The following USP42 variants were observed in gnomAD, a reference collection of about 807,000 sequenced individuals.
USP42 encodes ubiquitin carboxyl-terminal hydrolase 42.
USP42 carries 23 observed loss-of-function variants against 113.0 expected under a neutral mutation model. That is an observed-to-expected ratio of 0.20 (90% CI 0.15 to 0.29). The LOEUF is 0.29. USP42 is among the 10% of genes least tolerant of loss of function. The pLI, the probability that USP42 is intolerant of heterozygous loss-of-function variation, is 1.00. For missense variants in USP42, 2,174 were observed against 1,779.8 expected (o/e 1.22, Z -3.99); for synonymous variants, 933 against 699.0 (o/e 1.33, Z -5.28).
At chr7:6,120,140 A>AT (rs1780138552) in intron 3 of USP42, among the ~76,000 whole-genome samples, 1 of 151,910 alleles carries the variant, frequency 6.6e-6, no homozygotes, top group Non-Finnish European at 1.5e-5. Context: ...ATTTTTTTGT[A>AT]TTTTTAGTAG....
At position 6,140,151 on chromosome 7, in the gene USP42, C is replaced by A; in HGVS notation, c.680C>A (p.Thr227Asn). 6.2e-7 allele frequency: 1 copy of A among 1,613,980 alleles called. No individual in the cohort carries two copies. The highest frequency in any genetic ancestry group is 2.2e-5 in the East Asian group (1 of 44,888). Residue 227 changes from threonine to asparagine, a missense_variant, in exon 6 of 18, where the codon ACC (threonine) becomes AAC (asparagine). Thr to Asn is a moderately conservative substitution (Grantham distance 65). Coordinates refer to ENST00000306177, the MANE Select transcript of USP42 (RefSeq NM_032172.3). ...AGATTAGACAGACACACCCAGGCCA[C>A]CACTCTTGTTTGTCAGATATTTGGA... ...SNKLDRHTQATTLVCQIFGGY... is the reference protein window; with the variant it reads ...SNKLDRHTQANTLVCQIFGGY...
chr7:6,117,027 GCTT>G, intron 3 of USP42: 1 of 358,396 alleles, frequency 2.8e-6, no homozygotes, highest in Non-Finnish European at 5.4e-6. Context: ...TCTTTTCCCA[GCTT>G]TACTGAAGTA....
chr7:6,093,436 C>T, the USP42 span, among the ~76,000 whole-genome samples: 2 of 150,676 alleles, frequency 1.3e-5, no homozygotes, highest in African/African-American at 5.0e-5. Flanking sequence ...CAGGCATGCA[C>T]CACCATGCTC....
At chr7:6,150,659 T>C (rs2128516907) in intron 14 of USP42, among the ~76,000 whole-genome samples, 153 bp downstream of exon 14, 1 of 152,346 alleles carries the variant, frequency 6.6e-6, no homozygotes, top group East Asian at 1.9e-4. Flanking sequence ...ATTTATTAAC[T>C]TGCCTTTTAG....
At chr7:6,127,598 T>C (rs1780608669) in intron 3 of USP42, among the ~76,000 whole-genome samples, 1 of 152,196 alleles carries the variant, frequency 6.6e-6, no homozygotes. Context: ...CATATTTGTG[T>C]GTCTGTCTCC....
At chr7:6,141,273 G>C (rs1215041168) in intron 7 of USP42, among the ~76,000 whole-genome samples, 1 of 148,260 alleles carries the variant, frequency 6.7e-6, no homozygotes, top group Non-Finnish European at 1.5e-5. Flanking sequence ...CGTGATCTCG[G>C]CTCACTGCAA....
chr7:6,084,112 C>T, the USP42 span, among the ~76,000 whole-genome samples: 1 of 151,194 alleles, frequency 6.6e-6, no homozygotes, highest in Non-Finnish European at 1.5e-5. Flanking sequence ...CTGCAACCTC[C>T]GCCTCTCGGG....
chr7:6,149,447 A>G, intron 12 of USP42, 136 bp from the exon 13 acceptor site: 2 of 1,104,496 alleles, frequency 1.8e-6, no homozygotes, highest in South Asian at 1.7e-5. Context: ...AACAGAGAAC[A>G]TTTCCAGGTG....
At chr7:6,088,633 G>A in the USP42 span, among the ~76,000 whole-genome samples, 2 of 151,330 alleles carry the variant, frequency 1.3e-5, no homozygotes, top group Admixed American at 6.6e-5. Flanking sequence ...CCCGATTGAC[G>A]TCACTACACC....
At chr7:6,160,237 C>T (rs1782695976) in intron 17 of USP42, among the ~76,000 whole-genome samples, 1 of 152,190 alleles carries the variant, frequency 6.6e-6, no homozygotes, top group Non-Finnish European at 1.5e-5. Flanking sequence ...AATTAACAGG[C>T]TTTATCAATG....
At chr7:6,135,255 AT>A in intron 3 of USP42, among the ~76,000 whole-genome samples, 1 of 152,226 alleles carries the variant, frequency 6.6e-6, no homozygotes, top group Non-Finnish European at 1.5e-5. Flanking sequence ...TGTCTGTCCC[AT>A]AATAACTCTT....
chr7:6,107,267 C>T (rs1364126550), intron 1 of USP42, among the ~76,000 whole-genome samples: 2 of 151,956 alleles, frequency 1.3e-5, no homozygotes, highest in Non-Finnish European at 2.9e-5. Flanking sequence ...TTTATTTGGT[C>T]ATTTGTTAGT....
Position 6,155,170 on chromosome 7 carries a change from G to C in USP42, c.3616G>C (p.Asp1206His). ...ATCAAAGAAGAAAAAGAAATCCAAA[G>C]ACAAACACCGAGACCGCGACTCCAG... is the stretch of plus-strand genomic sequence containing the variant. ...KKSKKKKKSK[D>H]KHRDRDSRHQ... Residue 1206 changes from aspartate (D) to histidine (H), a missense_variant, in exon 15 of 18, where the codon GAC (aspartate) becomes CAC (histidine). By Grantham distance (81) the Asp-to-His change is moderately conservative. Transcript: ENST00000306177. 1 of 1,538,772 alleles carries C rather than the reference G, an allele frequency of 6.5e-7. No individual in the cohort carries two copies. Among genetic ancestry groups the C allele is most frequent in the East Asian group, 2.4e-5 (1 of 40,890 alleles).
intron 3 of USP42, among the ~76,000 whole-genome samples, chr7:6,134,104 G>A (rs994082166): frequency 3.9e-5 from 6 of 151,966 alleles, no homozygotes; most frequent in Non-Finnish European, 8.8e-5. Flanking sequence ...TGTTAGCCAG[G>A]ATCGTCTCGA....
chr7:6,087,036 T>TA, the USP42 span, among the ~76,000 whole-genome samples: 1 of 136,432 alleles, frequency 7.3e-6, no homozygotes, highest in East Asian at 2.0e-4. Context: ...CCACCACACT[T>TA]TTTTTTTTCT....
chr7:6,141,932 C>G (rs1042926034), intron 7 of USP42, among the ~76,000 whole-genome samples: 1 of 152,192 alleles, frequency 6.6e-6, no homozygotes. Context: ...TGTCTGATGT[C>G]TGTCTGGCCA....
intron 1 of USP42, among the ~76,000 whole-genome samples, chr7:6,109,805 A>G (rs1779497760): frequency 7.0e-6 from 1 of 143,736 alleles, no homozygotes; most frequent in Non-Finnish European, 1.5e-5. Context: ...GGTTCAAGCG[A>G]TTTTCCTGAC....
chr7:6,123,996 C>G (rs1050174033), intron 3 of USP42, among the ~76,000 whole-genome samples: 1 of 152,102 alleles, frequency 6.6e-6, no homozygotes, highest in African/African-American at 2.4e-5. Flanking sequence ...CTGCCTCGGT[C>G]TCCTAAGTAG....
rs772172714 is a variant in USP42 at position 6,155,004 on chromosome 7, G to A, written c.3450G>A (p.Arg1150=). 21 of 1,564,968 alleles carry A rather than the reference G, an allele frequency of 1.3e-5. No individual in the cohort carries two copies. Among genetic ancestry groups the A allele is most frequent in the Non-Finnish European group, 1.8e-5 (21 of 1,154,480 alleles). Residue 1150 remains arginine (R), a synonymous_variant, in exon 15 of 18, where the codon CGG becomes CGA. Transcript: ENST00000306177. ...VAGDNCNLSD[R]FHEHENGKSR... ...GAGACAACTGTAACCTCTCTGATCGGTTTCACGAACACGAAAATGGAAAGT... is the reference window on the plus strand; with the variant it reads ...GAGACAACTGTAACCTCTCTGATCGATTTCACGAACACGAAAATGGAAAGT...
Sources: gnomAD v4.1 joint callset for allele counts (sites outside exome capture counted in the v4.1 genomes callset) on GRCh38, gnomAD v4.1.1 for gene constraint, MANE v1.5 for transcripts, NCBI Gene and HGNC (gene_info 2026-07-23, HGNC 2026-07-21) for gene names.